The following TMEM201 variants were observed in gnomAD, a reference collection of about 807,000 sequenced individuals.
TMEM201 encodes the protein transmembrane protein 201.
TMEM201 carries 26 observed loss-of-function variants against 63.4 expected under a neutral mutation model. That is an observed-to-expected ratio of 0.41 (90% confidence interval 0.30 to 0.57). The LOEUF is 0.57. TMEM201 is among the 20% of genes least tolerant of loss of function. The pLI is 0.29. For missense variants in TMEM201, 794 were observed against 917.7 expected (o/e 0.87, Z 1.74); for synonymous variants, 417 against 421.6 (o/e 0.99, Z 0.14).
Position 9,603,630 on chromosome 1 carries a change from C to G in TMEM201, c.1160+1358C>G. On this transcript the variant is annotated intron_variant, in intron 6 of 10. Coordinates refer to ENST00000340381, the MANE Select transcript of TMEM201 (RefSeq NM_001130924.3). The surrounding 1 kb of genome is among the most constrained non-coding windows in gnomAD (Gnocchi z 4.5). ...GCAGATCACAGGTGCATGAGGGTTA[C>G]ACCCGTCACCTGGGTCTGCCGGGAT... 1 of 985,490 alleles carries G rather than the reference C, an allele frequency of 1.0e-6. No individual in the cohort carries two copies. Among genetic ancestry groups the G allele is most frequent in the Non-Finnish European group, 1.2e-6 (1 of 829,986 alleles). The allele number at this position is 985,490 out of a possible 1,614,324, so 61.0% of individuals were successfully genotyped here. A position where few individuals can be genotyped will look rare whatever the true frequency, so the allele number is the denominator to read the frequency against.
intron 7 of TMEM201, among the ~76,000 whole-genome samples, chr1:9,609,498 G>T (rs556542536): frequency 6.6e-6 from 1 of 152,202 alleles, no homozygotes; most frequent in East Asian, 1.9e-4. Context: ...GGAACGAGGA[G>T]TGGACAATAT....
intron 4 of TMEM201, among the ~76,000 whole-genome samples, chr1:9,599,454 T>C (rs1275745286): frequency 6.6e-6 from 1 of 151,050 alleles, no homozygotes; most frequent in Non-Finnish European, 1.5e-5. Flanking sequence ...ACCCTGTTGC[T>C]CAGGCTGGTC....
In TMEM201 at chr1:9,594,160, A is replaced by G. The variant is rs1380465106; in HGVS notation, c.114-1730A>G. On this transcript the variant is annotated intron_variant, in intron 1 of 10. Transcript: ENST00000340381. Reference sequence around the variant, plus strand: ...CCCCTTTTGACAGGTGAGGGATGAGACTGCGGCCCTAGAAGGCAGAGCTGC... The same window carrying G: ...CCCCTTTTGACAGGTGAGGGATGAGGCTGCGGCCCTAGAAGGCAGAGCTGC... 3.3e-5 allele frequency among the ~76,000 whole-genome samples: 5 copies of G among 152,164 alleles called. No homozygotes were observed. The East Asian group carries it at 9.6e-4, about 29-fold the overall frequency.
rs1030795387 is a variant in TMEM201 at position 9,607,961 on chromosome 1, G to C, written c.1393+172G>C. Among the ~76,000 whole-genome samples the C allele has an allele frequency of 6.6e-6, 1 of 152,232 alleles. No homozygotes were observed. Among genetic ancestry groups the C allele is most frequent in the African/African-American group, 2.4e-5 (1 of 41,446 alleles). On this transcript the variant is annotated intron_variant, in intron 7 of 10. Coordinates refer to ENST00000340381, the MANE Select transcript of TMEM201 (RefSeq NM_001130924.3). This position sits in a 1 kb window ranked among gnomAD's most constrained non-coding sequence, Gnocchi z 5.4. ...CCCCCAAAGAAATGGGGCTAGCTAG[G>C]AATAGGTGGCTCATGCCTTTAATCC...
At position 9,613,211 on chromosome 1, in the gene TMEM201, T is replaced by A; in HGVS notation, c.*128T>A. The A allele has an allele frequency of 4.7e-6, 4 of 843,496 alleles. No individual in the cohort carries two copies. Among genetic ancestry groups the A allele is most frequent in the South Asian group, 1.6e-5 (1 of 64,052 alleles). 52.3% of individuals were successfully genotyped at this position (843,496 alleles called of 1,614,324 possible). A position where few individuals can be genotyped will look rare whatever the true frequency, so the allele number is the denominator to read the frequency against. Reference sequence around the variant, plus strand: ...CTCCAGGGCCTTGACCTCACTGGACTGTGACTGTCCTCAGGACACCTGCCC... The same window carrying A: ...CTCCAGGGCCTTGACCTCACTGGACAGTGACTGTCCTCAGGACACCTGCCC... On this transcript the variant is annotated 3_prime_UTR_variant, in exon 11 of 11. Coordinates refer to ENST00000340381, the MANE Select transcript of TMEM201 (RefSeq NM_001130924.3).
At chr1:9,589,427 C>G (rs972682841) in intron 1 of TMEM201, among the ~76,000 whole-genome samples, 2 of 152,220 alleles carry the variant, frequency 1.3e-5, no homozygotes, top group African/African-American at 4.8e-5. Flanking sequence ...TGTGACGTCC[C>G]GGGCGTTTTT....
rs1644308170 is a variant in TMEM201 at position 9,610,550 on chromosome 1, C to G, written c.1510C>G (p.Pro504Ala). The change falls in exon 9 of 11, where the codon CCT (proline) becomes GCT (alanine). Residue 504 changes from proline (P) to alanine (A), a missense_variant. Physicochemically the swap from Pro to Ala is conservative, Grantham distance 27. Transcript: ENST00000340381. The surrounding 1 kb of genome is among the most constrained non-coding windows in gnomAD (Gnocchi z 4.9). ...GGGGAGCTGCCCCTCCTCCCCACTC[C>G]CTTCCCCAGCGCCTTCCGTGGCCGG... ...LSGSCPSSPLPSPAPSVAGSV... is the reference protein window; with the variant it reads ...LSGSCPSSPLASPAPSVAGSV... 2 of 1,547,816 alleles carry G rather than the reference C, an allele frequency of 1.3e-6. No homozygotes were observed. Among genetic ancestry groups the G allele is most frequent in the East Asian group, 2.5e-5 (1 of 40,802 alleles).
intron 4 of TMEM201, 97 bp downstream of exon 4, chr1:9,598,722 T>G: frequency 5.9e-6 from 7 of 1,192,762 alleles, no homozygotes; most frequent in Non-Finnish European, 8.2e-6. Flanking sequence ...GGGTAGCTCT[T>G]CAGAGCTGAG....
intron 1 of TMEM201, among the ~76,000 whole-genome samples, chr1:9,592,109 G>T (rs968343885): frequency 2.6e-5 from 4 of 152,238 alleles, no homozygotes; most frequent in Non-Finnish European, 5.9e-5. Context: ...TGCTGCTGTG[G>T]ATTCAAGTAT....
Position 9,610,905 on chromosome 1 carries a change from G to C in TMEM201, c.1765+100G>C. The C allele has an allele frequency of 6.7e-7, 1 of 1,489,412 alleles. No individual in the cohort carries two copies. The highest frequency in any genetic ancestry group is 9.0e-7 in the Non-Finnish European group (1 of 1,113,344). The allele number at this position is 1,489,412 out of a possible 1,614,324, so 92.3% of individuals were successfully genotyped here. On this transcript the variant is annotated intron_variant, in intron 9 of 10. Transcript: ENST00000340381. The surrounding 1 kb of genome is among the most constrained non-coding windows in gnomAD (Gnocchi z 4.9). The stretch of plus-strand genomic sequence containing the variant: ...GGGGGCTCATCCTTGCTCTGACTCC[G>C]GTGTGCGCCTTCCCACCCTGGAGCT...
chr1:9,609,878 C>T lies in TMEM201; in HGVS notation c.1432C>T (p.Gln478Ter). The change falls in exon 8 of 11, where the codon CAG becomes TAG. Residue 478 changes from glutamine to a stop codon, truncating the protein, a stop_gained. Coordinates refer to ENST00000340381, the MANE Select transcript of TMEM201 (RefSeq NM_001130924.3). LOFTEE classifies it high-confidence loss of function. ...GTTCAGCGGTAGCCGCCCACCATCT[C>T]AGGTGTCTCGATCTGGGGAGTTTCC... Reference protein sequence around the residue: ...YLFSGSRPPSQVSRSGEFPVS... With the variant: ...YLFSGSRPPS 6.4e-7 allele frequency: 1 copy of T among 1,551,494 alleles called. No homozygotes were observed. Among genetic ancestry groups the T allele is most frequent in the Non-Finnish European group, 8.7e-7 (1 of 1,146,966 alleles).
chr1:9,594,300 T>G (rs1424085946), intron 1 of TMEM201, among the ~76,000 whole-genome samples: 1 of 152,218 alleles, frequency 6.6e-6, no homozygotes, highest in Admixed American at 6.5e-5. Flanking sequence ...GCAGCGGTCC[T>G]TGTCCTCTGT....
chr1:9,601,176 C>T lies in TMEM201; in HGVS notation c.678C>T (p.Ala226=). Residue 226 remains alanine, a synonymous_variant, in exon 5 of 11, where the codon GCC becomes GCT. Transcript: ENST00000340381. Reference sequence around the variant, plus strand: ...GTGCCCTCGCCTTCCTGGCCTGCGCCTTCCTACTGACCACCGCGCTGTATG... The same window carrying T: ...GTGCCCTCGCCTTCCTGGCCTGCGCTTTCCTACTGACCACCGCGCTGTATG... ...LLRALAFLAC[A]FLLTTALYGA... The T allele has an allele frequency of 6.2e-7, 1 of 1,611,932 alleles. No individual in the cohort carries two copies.
rs914014743 is a variant in TMEM201 at position 9,612,027 on chromosome 1, C to T, written c.1903+137C>T. The T allele has an allele frequency of 1.6e-5, 17 of 1,046,994 alleles. No individual in the cohort carries two copies. In the African/African-American group the frequency reaches 2.4e-4, roughly 15 times the overall value. The allele number at this position is 1,046,994 out of a possible 1,614,324, so 64.9% of individuals were successfully genotyped here. A position where few individuals can be genotyped will look rare whatever the true frequency, so the allele number is the denominator to read the frequency against. ...CCCTGAGTGGCCGACAAGTAACCCA[C>T]CCGGCGCCTCTGAATCCAGGGTCAG... On this transcript the variant is annotated intron_variant, in intron 10 of 10. Transcript: ENST00000340381.
rs775333004 is a variant in TMEM201, at chr1:9,609,821, C to G, written c.1394-19C>G. The G allele has an allele frequency of 2.6e-6, 4 of 1,551,048 alleles. No homozygotes were observed. Among genetic ancestry groups the G allele is most frequent in the South Asian group, 1.2e-5 (1 of 84,050 alleles). On this transcript the variant is annotated intron_variant, in intron 7 of 10. Coordinates refer to ENST00000340381, the MANE Select transcript of TMEM201 (RefSeq NM_001130924.3). Reference sequence around the variant, plus strand: ...TCATCCACAGGCCTGACGTGTCGCCCGCTTCTCTCTGTCTCCAGACTCCGG... The same window carrying G: ...TCATCCACAGGCCTGACGTGTCGCCGGCTTCTCTCTGTCTCCAGACTCCGG...
At position 9,604,284 on chromosome 1, in the gene TMEM201, A is replaced by G. The variant is rs1644203254; in HGVS notation, c.1160+2012A>G. 1.0e-6 allele frequency: 1 copy of G among 985,446 alleles called. No homozygotes were observed. The highest frequency in any genetic ancestry group is 4.7e-5 in the South Asian group (1 of 21,292). The allele number at this position is 985,446 out of a possible 1,614,324, so 61.0% of individuals were successfully genotyped here. ...ACCAGAGCCAGCCCTCGCGCTGGCC[A>G]GGATCCTCCTGCCGAGCTGATGTCG... On this transcript the variant is annotated intron_variant, in intron 6 of 10. Transcript: ENST00000340381. This position sits in a 1 kb window ranked among gnomAD's most constrained non-coding sequence, Gnocchi z 4.1.
At position 9,596,007 on chromosome 1, in the gene TMEM201, G is replaced by A. The variant is rs1003957843; in HGVS notation, c.231G>A (p.Gln77=). 1.9e-6 allele frequency: 3 copies of A among 1,612,256 alleles called. No individual in the cohort carries two copies. In the African/African-American group the frequency reaches 4.0e-5, roughly 22 times the overall value. ...ACTGCGAGCAGTACAACGGCTTCCA[G>A]GAGGTGTGGGTCACAGGCAGGCGGA... is the stretch of plus-strand genomic sequence containing the variant. ...CPHCEQYNGF[Q]ENGDYNKPIP... The change falls in exon 2 of 11, where the codon CAG becomes CAA. Residue 77 remains glutamine (Q), a synonymous_variant. Transcript: ENST00000340381.
rs761730858 is a variant in TMEM201, at chr1:9,609,767, G to T, written c.1394-73G>T. On this transcript the variant is annotated intron_variant, in intron 7 of 10. Transcript: ENST00000340381. ...AGAGCAAAGGCTGGATTGGGATTTC[G>T]GCAGAGCATTTGTGGGGGCCTCTGC... 9.9e-6 allele frequency: 14 copies of T among 1,417,294 alleles called. No homozygotes were observed. In the African/African-American group the frequency reaches 1.1e-4, roughly 12 times the overall value. The allele number at this position is 1,417,294 out of a possible 1,614,324, so 87.8% of individuals were successfully genotyped here.
At chr1:9,596,755 A>T (rs1644027319) in intron 2 of TMEM201, 104 bp from the exon 3 acceptor site, 3 of 1,154,174 alleles carry the variant, frequency 2.6e-6, no homozygotes, top group Non-Finnish European at 3.7e-6. Context: ...GATGTTTGAG[A>T]TCTACCATCA....
Sources: allele counts gnomAD v4.1 joint callset (sites outside exome capture counted in the v4.1 genomes callset), GRCh38; gene constraint gnomAD v4.1.1; non-coding constraint Gnocchi (gnomAD v3.1); transcripts MANE v1.5; gene names NCBI Gene and HGNC (gene_info 2026-07-23, HGNC 2026-07-21).